The following ST6GAL1 variants were observed in gnomAD, a reference collection of about 807,000 sequenced individuals.
The protein encoded by ST6GAL1 is ST6 beta-galactoside alpha-2,6-sialyltransferase 1.
In ST6GAL1, 20 loss-of-function variants were observed where a neutral mutation model predicts 38.0. The ratio of observed to expected loss-of-function variants is 0.53; its 90% CI spans 0.37 to 0.77. The LOEUF is 0.77. Among genes scored for constraint, ST6GAL1 ranks in the 30% least tolerant of loss-of-function variants. The pLI, the probability that ST6GAL1 is intolerant of heterozygous loss-of-function variation, is 0.00. For synonymous variants in ST6GAL1, 196 were observed against 188.2 expected, an observed-to-expected ratio of 1.04 and a Z score of -0.34; for missense variants, 432 against 496.4, an observed-to-expected ratio of 0.87 and a Z score of 1.23.
At chr3:186,934,720 T>C (rs1041480176) in intron 1 of ST6GAL1, among the ~76,000 whole-genome samples, 1 of 151,990 alleles carries the variant, frequency 6.6e-6, no homozygotes, top group Non-Finnish European at 1.5e-5. Context: ...CTTGGCAGGC[T>C]TGAGTGCTTA....
chr3:186,994,679 G>A (rs145004000), intron 2 of ST6GAL1, among the ~76,000 whole-genome samples: 4 of 149,462 alleles, frequency 2.7e-5, no homozygotes, highest in African/African-American at 7.3e-5. Flanking sequence ...AAAATAGGCC[G>A]GGGCGCAGTG....
At chr3:187,043,436 T>G in intron 4 of ST6GAL1, 126 bp downstream of exon 4, 1 of 1,382,068 alleles carries the variant, frequency 7.2e-7, no homozygotes, top group Non-Finnish European at 9.7e-7. Flanking sequence ...AGGGCAGTGT[T>G]TTTTTCAGAG....
intron 2 of ST6GAL1, among the ~76,000 whole-genome samples, chr3:187,006,774 C>T (rs1011620797): frequency 2.0e-5 from 3 of 152,158 alleles, no homozygotes; most frequent in African/African-American, 7.2e-5. Context: ...GATTTCATTC[C>T]AGTCATCTCC....
At chr3:186,977,666 C>G (rs897457219) in intron 2 of ST6GAL1, among the ~76,000 whole-genome samples, 1 of 152,158 alleles carries the variant, frequency 6.6e-6, no homozygotes, top group Non-Finnish European at 1.5e-5. Flanking sequence ...GTCCTCTGAG[C>G]GCCTCAGGAG....
intron 6 of ST6GAL1, 45 bp downstream of exon 6, chr3:187,072,992 T>C (rs1206817980): frequency 6.8e-7 from 1 of 1,470,406 alleles, no homozygotes; most frequent in Non-Finnish European, 9.5e-7. Context: ...TTCCTGTCTG[T>C]CTACAGATTT....
At chr3:186,946,151 CAA>C (rs1217341319) in intron 1 of ST6GAL1, among the ~76,000 whole-genome samples, 1 of 151,768 alleles carries the variant, frequency 6.6e-6, no homozygotes, top group Non-Finnish European at 1.5e-5. Context: ...ACGAAAAATA[CAA>C]AAATTATTTT....
intron 1 of ST6GAL1, among the ~76,000 whole-genome samples, chr3:186,944,678 G>C (rs531010519): frequency 6.6e-6 from 1 of 152,334 alleles, no homozygotes; most frequent in South Asian, 2.1e-4. Context: ...ATTGCTAACA[G>C]AGAAGGAAGG....
intron 2 of ST6GAL1, among the ~76,000 whole-genome samples, chr3:187,009,677 G>T (rs965318151): frequency 6.6e-6 from 1 of 152,066 alleles, no homozygotes; most frequent in Non-Finnish European, 1.5e-5. Flanking sequence ...AAAACTGTAA[G>T]AAATGTTTAT....
At chr3:186,938,950 CTG>C (rs996863705) in intron 1 of ST6GAL1, among the ~76,000 whole-genome samples, 3 of 151,830 alleles carry the variant, frequency 2.0e-5, no homozygotes, top group Non-Finnish European at 4.4e-5. Context: ...AGTCATGGGA[CTG>C]TGTGTGTGTA....
intron 5 of ST6GAL1, among the ~76,000 whole-genome samples, chr3:187,060,058 G>A (rs140510622): frequency 7.0e-4 from 106 of 152,236 alleles, no homozygotes; most frequent in African/African-American, 2.5e-3. Flanking sequence ...GAAGGAAATG[G>A]GGGACTGGAA....
chr3:187,066,173 T>A (rs2108598705), intron 5 of ST6GAL1, among the ~76,000 whole-genome samples: 1 of 152,312 alleles, frequency 6.6e-6, no homozygotes. Flanking sequence ...CCATACAGTC[T>A]ATTAATATCA....
intron 2 of ST6GAL1, among the ~76,000 whole-genome samples, chr3:187,034,476 C>T (rs967805534): frequency 2.0e-5 from 3 of 152,142 alleles, no homozygotes; most frequent in Non-Finnish European, 2.9e-5. Flanking sequence ...AGGCCAATAT[C>T]CCTGATGAAA....
chr3:186,970,480 C>T (rs1308672197), intron 2 of ST6GAL1, among the ~76,000 whole-genome samples: 3 of 151,872 alleles, frequency 2.0e-5, no homozygotes, highest in Non-Finnish European at 4.4e-5. Context: ...GCCTCAGCCT[C>T]CCAAAGTGCT....
chr3:187,011,324 G>A (rs533364010), intron 2 of ST6GAL1, among the ~76,000 whole-genome samples: 4 of 152,278 alleles, frequency 2.6e-5, no homozygotes, highest in African/African-American at 7.2e-5. Context: ...TCTCTTCCTC[G>A]TTCTTCACTT....
intron 2 of ST6GAL1, among the ~76,000 whole-genome samples, chr3:186,995,284 G>A (rs1009711967): frequency 5.3e-5 from 8 of 151,982 alleles, no homozygotes; most frequent in Admixed American, 1.3e-4. Context: ...CTAGGAAGGC[G>A]GATCATGAGG....
chr3:186,943,513 G>A (rs180800391), intron 1 of ST6GAL1, among the ~76,000 whole-genome samples: 116 of 152,124 alleles, frequency 7.6e-4, no homozygotes, highest in Non-Finnish European at 1.1e-3. Context: ...GCAGTGGTGC[G>A]ATCTCGGCTC....
At chr3:186,941,596 G>C (rs531539170) in intron 1 of ST6GAL1, among the ~76,000 whole-genome samples, 2 of 152,158 alleles carry the variant, frequency 1.3e-5, no homozygotes, top group Non-Finnish European at 2.9e-5. Context: ...TGGGCGGGGG[G>C]TGAGGAGGGG....
At chr3:186,993,070 C>T (rs1233175761) in intron 2 of ST6GAL1, among the ~76,000 whole-genome samples, 1 of 152,122 alleles carries the variant, frequency 6.6e-6, no homozygotes, top group Non-Finnish European at 1.5e-5. Flanking sequence ...GTCTCCTGGC[C>T]ATAGCTGTGG....
chr3:187,028,716 A>G (rs1049767243), intron 2 of ST6GAL1, among the ~76,000 whole-genome samples: 2 of 152,214 alleles, frequency 1.3e-5, no homozygotes, highest in Non-Finnish European at 2.9e-5. Flanking sequence ...ACATATTATT[A>G]TATCTGCGAA....
Sources: gnomAD v4.1 joint callset for allele counts (sites outside exome capture counted in the v4.1 genomes callset) on GRCh38, gnomAD v4.1.1 for gene constraint, MANE v1.5 for transcripts, NCBI Gene and HGNC (gene_info 2026-07-23, HGNC 2026-07-21) for gene names.